PTPRA: variants seen among roughly 807,000 people sequenced by gnomAD.
PTPRA encodes receptor-type tyrosine-protein phosphatase alpha.
PTPRA carries 25 observed loss-of-function variants against 104.8 expected under a neutral mutation model. The ratio of observed to expected loss-of-function variants is 0.24; its 90% confidence interval spans 0.17 to 0.33. The LOEUF is 0.33. PTPRA is among the 10% of genes least tolerant of loss of function. The pLI is 1.00. For synonymous variants in PTPRA, 323 were observed against 368.9 expected (o/e 0.88, Z 1.43); for missense variants, 765 against 1,015.3 (o/e 0.75, Z 3.35).
intron 1 of PTPRA, among the ~76,000 whole-genome samples, chr20:2,895,805 A>C (rs918555320): frequency 6.6e-6 from 1 of 152,204 alleles, no homozygotes; most frequent in Non-Finnish European, 1.5e-5. Context: ...CTGGGATTAC[A>C]GGTGTGAGCT....
intron 1 of PTPRA, among the ~76,000 whole-genome samples, chr20:2,894,371 G>A (rs1022724775): frequency 2.6e-5 from 4 of 152,146 alleles, no homozygotes; most frequent in African/African-American, 9.7e-5. Flanking sequence ...ACCCAAATAC[G>A]TTTTTCAAGG....
intron 1 of PTPRA, among the ~76,000 whole-genome samples, chr20:2,918,945 A>G (rs983385967): frequency 2.0e-5 from 3 of 152,138 alleles, no homozygotes; most frequent in Admixed American, 6.5e-5. Flanking sequence ...TGAAGTATCT[A>G]TTTCCTGTGC....
chr20:2,955,202 T>C (rs1334209441), intron 3 of PTPRA, among the ~76,000 whole-genome samples: 2 of 152,254 alleles, frequency 1.3e-5, no homozygotes, highest in African/African-American at 4.8e-5. Flanking sequence ...TTTGGTTTCA[T>C]GTATCAAGTA....
In PTPRA at chr20:3,005,265, A is replaced by G. The variant is rs1398256794; in HGVS notation, c.829+119A>G. ...CAGGGTGAATAACAAGAGTGCGTTC[A>G]TGGCAGTACTCAGTGGCTCATACCT... On this transcript the variant is annotated intron_variant, in intron 10 of 23. Coordinates refer to ENST00000399903, the MANE Select transcript of PTPRA (RefSeq NM_001385305.1). 4 of 968,700 alleles carry G rather than the reference A, an allele frequency of 4.1e-6. No homozygotes were observed. In the East Asian group the frequency reaches 7.3e-5, roughly 18 times the overall value. 60.0% of individuals were successfully genotyped at this position (968,700 alleles called of 1,614,324 possible).
At chr20:2,916,580 A>G (rs1364235007) in intron 1 of PTPRA, among the ~76,000 whole-genome samples, 1 of 152,150 alleles carries the variant, frequency 6.6e-6, no homozygotes, top group Admixed American at 6.5e-5. Context: ...CCAGCCAGCC[A>G]TGGTGGTGTG....
intron 11 of PTPRA, among the ~76,000 whole-genome samples, chr20:3,012,320 A>G (rs2064212691): frequency 6.6e-6 from 1 of 152,238 alleles, no homozygotes; most frequent in Non-Finnish European, 1.5e-5. Context: ...TAGATCACAA[A>G]TGATGAGGGT....
the PTPRA span, chr20:2,865,066 C>T: frequency 3.7e-6 from 6 of 1,614,182 alleles, no homozygotes; most frequent in Non-Finnish European, 5.1e-6. The surrounding 1 kb of genome is among the most constrained non-coding windows in gnomAD (Gnocchi z 5.2). Context: ...GTTTGGCCCA[C>T]CTTTTTCCAA....
chr20:2,961,984 A>T (rs2061772242), intron 3 of PTPRA, among the ~76,000 whole-genome samples: 1 of 152,186 alleles, frequency 6.6e-6, no homozygotes, highest in African/African-American at 2.4e-5. Context: ...CTAATACCAC[A>T]GTCTTAATTA....
intron 5 of PTPRA, among the ~76,000 whole-genome samples, chr20:2,973,507 A>G (rs2062281967): frequency 6.6e-6 from 1 of 152,212 alleles, no homozygotes; most frequent in African/African-American, 2.4e-5. Context: ...CCCCAGTTAC[A>G]TTCCAGAGGT....
At chr20:2,924,731 A>AGTGGCTGGG (rs2060230577) in intron 2 of PTPRA, among the ~76,000 whole-genome samples, 1 of 152,096 alleles carries the variant, frequency 6.6e-6, no homozygotes, top group Non-Finnish European at 1.5e-5. Context: ...ACCAGGCTGG[A>AGTGGCTGGG]GTGCAGTGGT....
At chr20:3,001,331 T>C (rs940701343) in intron 9 of PTPRA, among the ~76,000 whole-genome samples, 5 of 152,220 alleles carry the variant, frequency 3.3e-5, no homozygotes, top group Non-Finnish European at 7.3e-5. Flanking sequence ...CCTGACTCTT[T>C]TTAGGAGCCT....
intron 1 of PTPRA, among the ~76,000 whole-genome samples, 168 bp from the exon 2 acceptor site, chr20:2,923,039 C>T (rs1202584479): frequency 2.0e-5 from 3 of 152,172 alleles, no homozygotes; most frequent in Non-Finnish European, 4.4e-5. Context: ...AGTCCTCCCA[C>T]CTCAGCCTGC....
Position 3,007,623 on chromosome 20 carries a change from C to T in PTPRA, c.906+203C>T, listed in dbSNP as rs1048330525. Among the ~76,000 whole-genome samples, 22 of 152,236 alleles carry T rather than the reference C, an allele frequency of 1.4e-4. 1 individual carries two copies. The highest frequency in any genetic ancestry group is 1.2e-3 in the Admixed American group (19 of 15,296). On this transcript the variant is annotated intron_variant, in intron 11 of 23. Coordinates refer to ENST00000399903, the MANE Select transcript of PTPRA (RefSeq NM_001385305.1). ...TCTATATTTACCCTGTCGTCATTCC[C>T]TATGGTTTCCCATGTAGAAATCTGT...
intron 9 of PTPRA, among the ~76,000 whole-genome samples, chr20:2,997,822 C>T (rs541027366): frequency 7.2e-5 from 11 of 152,258 alleles, no homozygotes; most frequent in Non-Finnish European, 1.5e-4. Flanking sequence ...TAAAAAGAAA[C>T]AAAAAGATAA....
At chr20:3,024,679 A>G (rs2065045541) in intron 17 of PTPRA, 58 bp downstream of exon 17, 5 of 1,593,406 alleles carry the variant, frequency 3.1e-6, no homozygotes, top group East Asian at 2.2e-5. Flanking sequence ...TCTGGGGAAC[A>G]TGGGATGCCT....
chr20:2,993,013 G>T (rs1474639364), intron 9 of PTPRA, among the ~76,000 whole-genome samples: 2 of 152,222 alleles, frequency 1.3e-5, no homozygotes, highest in African/African-American at 2.4e-5. Context: ...GAGCCTAGGA[G>T]TTTGAGGCTG....
chr20:2,896,332 T>C lies in PTPRA; in HGVS notation c.-129+22572T>C, dbSNP rs1163631251. Among the ~76,000 whole-genome samples, 4 of 152,190 alleles carry C rather than the reference T, an allele frequency of 2.6e-5. No individual in the cohort carries two copies. The East Asian group carries it at 7.7e-4, about 29-fold the overall frequency. Reference sequence around the variant, plus strand: ...AGGTGGAGGTTGCAGTGAGCCGAGATAGTGCCACTGCAATCCAGCCTGTGC... The same window carrying C: ...AGGTGGAGGTTGCAGTGAGCCGAGACAGTGCCACTGCAATCCAGCCTGTGC... On this transcript the variant is annotated intron_variant, in intron 1 of 23. Coordinates refer to ENST00000399903, the MANE Select transcript of PTPRA (RefSeq NM_001385305.1).
At chr20:2,994,354 C>T (rs1184381593) in intron 9 of PTPRA, among the ~76,000 whole-genome samples, 1 of 152,178 alleles carries the variant, frequency 6.6e-6, no homozygotes, top group Non-Finnish European at 1.5e-5. Flanking sequence ...GCTGCCTAAA[C>T]TGACCTGGAA....
intron 3 of PTPRA, 33 bp from the exon 4 acceptor site, chr20:2,964,239 G>A (rs774849544): frequency 1.3e-6 from 2 of 1,521,918 alleles, no homozygotes; most frequent in East Asian, 4.5e-5. Context: ...TGATAATATA[G>A]GACCTCATCT....
Sources: gnomAD v4.1 joint callset for allele counts (sites outside exome capture counted in the v4.1 genomes callset) on GRCh38, gnomAD v4.1.1 for gene constraint, Gnocchi (gnomAD v3.1) non-coding constraint, MANE v1.5 for transcripts, NCBI Gene and HGNC (gene_info 2026-07-23, HGNC 2026-07-21) for gene names.